Variants in ACP3 observed in about 807,000 individuals in gnomAD.
ACP3 encodes prostatic acid phosphatase.
ACP3 carries 38 observed loss-of-function variants against 45.6 expected under a neutral mutation model. That is an observed-to-expected ratio of 0.83 (90% CI 0.64 to 1.09). The LOEUF is 1.09. Ranked by LOEUF, ACP3 falls within the 50% of genes least tolerant of loss-of-function variation. The probability of loss-of-function intolerance (pLI) is 0.00; values close to 1 mark genes in which losing one functional copy is unlikely to be tolerated. For synonymous variants in ACP3, 162 were observed against 164.7 expected, an observed-to-expected ratio of 0.98 and a Z score of 0.13; for missense variants, 466 against 463.2, an observed-to-expected ratio of 1.01 and a Z score of -0.05.
chr3:132,342,911 C>T (rs1937568503), intron 6 of ACP3, among the ~76,000 whole-genome samples: 1 of 151,976 alleles, frequency 6.6e-6, no homozygotes, highest in Admixed American at 6.6e-5. Context: ...TAGTTTTTTC[C>T]CCCCTTGGAT....
intron 9 of ACP3, among the ~76,000 whole-genome samples, chr3:132,354,158 G>A (rs1251365660): frequency 6.6e-6 from 1 of 152,106 alleles, no homozygotes; most frequent in Non-Finnish European, 1.5e-5. Flanking sequence ...CCATCAGAAG[G>A]CCAGCTCTGG....
intron 3 of ACP3, 140 bp downstream of exon 3, chr3:132,331,873 C>A: frequency 1.2e-6 from 1 of 840,570 alleles, no homozygotes. Context: ...CCTCTTTATG[C>A]AAATTTTTGT....
chr3:132,363,478 G>C (rs1270512923), downstream of ACP3, among the ~76,000 whole-genome samples: 2 of 152,158 alleles, frequency 1.3e-5, no homozygotes, highest in Non-Finnish European at 2.9e-5. Context: ...TGTTACTAAA[G>C]CCTGTTAATT....
chr3:132,328,207 G>C, intron 1 of ACP3, 60 bp from the exon 2 acceptor site: 1 of 1,338,380 alleles, frequency 7.5e-7, no homozygotes, highest in South Asian at 1.2e-5. Flanking sequence ...CTATTATAAT[G>C]AGCAGAAGCA....
downstream of ACP3, among the ~76,000 whole-genome samples, chr3:132,363,587 A>G (rs1938082277): frequency 6.6e-6 from 1 of 152,184 alleles, no homozygotes; most frequent in Non-Finnish European, 1.5e-5. Context: ...ATAGTTCTCT[A>G]TCAAGCCTAA....
Position 132,324,675 on chromosome 3 carries a change from ACT to A in ACP3, c.121-3589_121-3588del, listed in dbSNP as rs1447242050. ...TTTATTTATTTTGAGACGGAGTCTC[ACT>A]CTGTCACCAGGCTGAAGTGCAGTGG... On this transcript the variant is annotated intron_variant, in intron 1 of 9. Coordinates refer to ENST00000336375, the MANE Select transcript of ACP3 (RefSeq NM_001099.5). Among the ~76,000 whole-genome samples the A allele has an allele frequency of 2.6e-5, 4 of 152,090 alleles. No individual in the cohort carries two copies. The East Asian group carries it at 7.7e-4, about 29-fold the overall frequency.
chr3:132,329,167 G>A, intron 2 of ACP3, among the ~76,000 whole-genome samples: 1 of 152,174 alleles, frequency 6.6e-6, no homozygotes, highest in Non-Finnish European at 1.5e-5. Flanking sequence ...CACAAGGCCA[G>A]GTGAATTGCT....
chr3:132,367,225 T>A (rs1346337049), intron 10 of ACP3, among the ~76,000 whole-genome samples: 1 of 152,198 alleles, frequency 6.6e-6, no homozygotes, highest in Non-Finnish European at 1.5e-5. Flanking sequence ...AGTACACAGT[T>A]ATGCTAGAAA....
chr3:132,339,788 GC>G (rs1937531608), intron 5 of ACP3, among the ~76,000 whole-genome samples: 2 of 152,134 alleles, frequency 1.3e-5, no homozygotes, highest in African/African-American at 4.8e-5. Flanking sequence ...GATTGATTAA[GC>G]CACAGGCTAT....
intron 9 of ACP3, among the ~76,000 whole-genome samples, chr3:132,355,024 T>C (rs551998493): frequency 2.3e-4 from 35 of 152,360 alleles, no homozygotes; most frequent in Middle Eastern, 6.8e-3. Flanking sequence ...TTCACACTTA[T>C]CTAACAGTAC....
At chr3:132,327,434 A>G (rs1331949096) in intron 1 of ACP3, among the ~76,000 whole-genome samples, 3 of 152,008 alleles carry the variant, frequency 2.0e-5, no homozygotes, top group African/African-American at 7.2e-5. Flanking sequence ...GAATCACTTG[A>G]ACCTGGGAGG....
intron 6 of ACP3, among the ~76,000 whole-genome samples, 180 bp from the exon 7 acceptor site, chr3:132,344,747 T>G (rs1298186583): frequency 6.6e-6 from 1 of 152,180 alleles, no homozygotes; most frequent in Admixed American, 6.5e-5. Flanking sequence ...TTCATTTATA[T>G]AAGCTTTTCT....
chr3:132,331,873 C>G (rs1274031066), intron 3 of ACP3, 140 bp downstream of exon 3: 1 of 840,576 alleles, frequency 1.2e-6, no homozygotes, highest in East Asian at 2.8e-5. Context: ...CCTCTTTATG[C>G]AAATTTTTGT....
At chr3:132,349,015 C>CACACACACACACACACACACACACACACT (rs1311543028) in intron 7 of ACP3, among the ~76,000 whole-genome samples, 1 of 53,788 alleles carries the variant, frequency 1.9e-5, no homozygotes, top group Non-Finnish European at 5.8e-5. Context: ...ACACACACAC[C>CACACACACACACACACACACACACACACT]CTAACACACC....
intron 1 of ACP3, 46 bp downstream of exon 1, chr3:132,317,622 A>T (rs371253543): frequency 3.2e-6 from 5 of 1,581,244 alleles, no homozygotes; most frequent in Non-Finnish European, 4.3e-6. Context: ...CTGTGTTCCC[A>T]GCAAAGTCTG....
At chr3:132,327,907 T>C (rs957616180) in intron 1 of ACP3, among the ~76,000 whole-genome samples, 1 of 152,184 alleles carries the variant, frequency 6.6e-6, no homozygotes, top group African/African-American at 2.4e-5. Context: ...TTCTGTCCTA[T>C]CTTATGTACA....
intron 4 of ACP3, among the ~76,000 whole-genome samples, chr3:132,333,763 C>A (rs959233093): frequency 3.9e-5 from 6 of 152,164 alleles, no homozygotes; most frequent in African/African-American, 1.2e-4. Flanking sequence ...ACTTTACCAG[C>A]CTTTTCTGCA....
intron 8 of ACP3, among the ~76,000 whole-genome samples, chr3:132,352,367 T>TTC (rs1161662958): frequency 1.3e-5 from 2 of 150,940 alleles, no homozygotes; most frequent in Non-Finnish European, 3.0e-5. Context: ...CCAGCTTTTT[T>TTC]TTTTTTTTTT....
intron 8 of ACP3, among the ~76,000 whole-genome samples, chr3:132,351,306 G>C (rs1429097117): frequency 6.6e-6 from 1 of 152,208 alleles, no homozygotes; most frequent in Admixed American, 6.5e-5. Flanking sequence ...AGGGAGAGAA[G>C]AGTCTGAGAC....
Sources: allele counts gnomAD v4.1 joint callset (sites outside exome capture counted in the v4.1 genomes callset), GRCh38; gene constraint gnomAD v4.1.1; transcripts MANE v1.5; gene names NCBI Gene and HGNC (gene_info 2026-07-23, HGNC 2026-07-21).